The following BNC2 variants were observed in gnomAD, a reference collection of about 807,000 sequenced individuals.
BNC2 encodes the protein zinc finger protein basonuclin-2.
A neutral mutation model predicts 76.3 loss-of-function variants in BNC2; 20 were observed. The ratio of observed to expected loss-of-function variants is 0.26; its 90% CI spans 0.18 to 0.38. The LOEUF is 0.38. Among genes scored for constraint, BNC2 ranks in the 10% least tolerant of loss-of-function variants. BNC2 has a pLI of 1.00. For missense variants in BNC2, 1,382 were observed against 1,399.8 expected, an observed-to-expected ratio of 0.99 and a Z score of 0.20; for synonymous variants, 582 against 514.8, an observed-to-expected ratio of 1.13 and a Z score of -1.77.
At chr9:16,446,009 C>T (rs891973374) in intron 5 of BNC2, among the ~76,000 whole-genome samples, 1 of 152,066 alleles carries the variant, frequency 6.6e-6, no homozygotes, top group African/African-American at 2.4e-5. Context: ...AAAGAAGTTC[C>T]CATCAAGATA....
In BNC2 at chr9:16,435,850, T is replaced by C. The variant is rs3739714; in HGVS notation, c.2344A>G (p.Thr782Ala). ...TGGCTCATGTAAAACATGTCGTAAG[T>C]GGGGTCTGTAAATTCTTCCTTCACC... ...IKVKEEFTDPTYDMFYMSQYG... is the reference protein window; with the variant it reads ...IKVKEEFTDPAYDMFYMSQYG... The change falls in exon 6 of 7, where the codon ACT (threonine) becomes GCT (alanine). Residue 782 changes from threonine (T) to alanine (A), a missense_variant. Thr to Ala is a moderately conservative substitution (Grantham distance 58). Around this residue, in one of 3 missense-constraint regions of BNC2, gnomAD observed 798 missense variants for 775.5 expected, o/e 1.03. Transcript: ENST00000380672. 5.4e-3 allele frequency: 8,755 copies of C among 1,613,798 alleles called. 392 individuals carry two copies. In the East Asian group the frequency reaches 0.085, roughly 16 times the overall value.
At chr9:16,846,844 T>C (rs1166199692) in intron 1 of BNC2, among the ~76,000 whole-genome samples, 2 of 152,162 alleles carry the variant, frequency 1.3e-5, no homozygotes, top group African/African-American at 2.4e-5. Context: ...TCCTATAAAA[T>C]TTTGCTATCA....
intron 1 of BNC2, among the ~76,000 whole-genome samples, chr9:16,748,520 T>C (rs1420121620): frequency 6.8e-6 from 1 of 146,868 alleles, no homozygotes; most frequent in Non-Finnish European, 1.5e-5. Flanking sequence ...TCTTAAACAT[T>C]TAAAAAGAAG....
rs965649036 is a variant in BNC2, at chr9:16,645,015, C to T, written c.331-61930G>A. Among the ~76,000 whole-genome samples, 13 of 152,304 alleles carry T rather than the reference C, an allele frequency of 8.5e-5. No homozygotes were observed. The East Asian group carries it at 9.7e-4, about 11-fold the overall frequency. On this transcript the variant is annotated intron_variant, in intron 3 of 6. Transcript: ENST00000380672. The stretch of plus-strand genomic sequence containing the variant: ...TTGTAAATCTAAGCCATAATGAAGA[C>T]GCTACATTTACATACTTTAAAGAAA...
In BNC2 at chr9:16,412,720, GGAGAGAGAGAGAGA is replaced by G. The variant is rs58174243; in HGVS notation, c.*6255_*6268del. ...AATAAGAGGGAAGGAGAGAGAGAGG[GGAGAGAGAGAGAGA>G]GAGAGAGAGAGAGAGAGAGAGAGAG... On this transcript the variant is annotated 3_prime_UTR_variant, in exon 7 of 7. Coordinates refer to ENST00000380672, the MANE Select transcript of BNC2 (RefSeq NM_017637.6). 3.1e-3 allele frequency: 374 copies of G among 119,916 alleles called. No homozygotes were observed. The highest frequency in any genetic ancestry group is 6.2e-3 in the East Asian group (26 of 4,168). The allele number at this position is 119,916 out of a possible 1,614,324, so 7.4% of individuals were successfully genotyped here. A position where few individuals can be genotyped will look rare whatever the true frequency, so the allele number is the denominator to read the frequency against.
chr9:16,599,954 T>G (rs906139695), intron 3 of BNC2, among the ~76,000 whole-genome samples: 1 of 152,118 alleles, frequency 6.6e-6, no homozygotes, highest in African/African-American at 2.4e-5. Context: ...CAAACCAGCT[T>G]TGCTGGTCTA....
chr9:16,454,383 G>T (rs563339625), intron 5 of BNC2, among the ~76,000 whole-genome samples: 1 of 152,150 alleles, frequency 6.6e-6, no homozygotes, highest in African/African-American at 2.4e-5. Context: ...GCTCACTTCA[G>T]CCTGACTCCT....
At chr9:16,808,655 A>G (rs972903378) in intron 1 of BNC2, among the ~76,000 whole-genome samples, 6 of 150,226 alleles carry the variant, frequency 4.0e-5, no homozygotes, top group African/African-American at 1.2e-4. Flanking sequence ...CAACTGACCA[A>G]TGTTTTTTTG....
At chr9:16,849,233 C>A (rs939209244) in intron 1 of BNC2, among the ~76,000 whole-genome samples, 1 of 151,794 alleles carries the variant, frequency 6.6e-6, no homozygotes, top group Admixed American at 6.6e-5. Flanking sequence ...ATTCCCCCCA[C>A]CAAAAAAATC....
chr9:16,713,733 G>T (rs1823916958), intron 3 of BNC2, among the ~76,000 whole-genome samples: 1 of 151,954 alleles, frequency 6.6e-6, no homozygotes, highest in Admixed American at 6.6e-5. Flanking sequence ...ACCATAAGAA[G>T]CTGCATTAAG....
chr9:16,838,329 CG>C (rs1446497445), intron 1 of BNC2, among the ~76,000 whole-genome samples: 1 of 152,082 alleles, frequency 6.6e-6, no homozygotes, highest in Non-Finnish European at 1.5e-5. Flanking sequence ...CCAAGGCGGG[CG>C]GATCACCTGA....
At chr9:16,514,782 G>GA (rs1822839860) in intron 5 of BNC2, among the ~76,000 whole-genome samples, 7 of 152,054 alleles carry the variant, frequency 4.6e-5, no homozygotes, top group Admixed American at 4.6e-4. Flanking sequence ...TGACAGAATT[G>GA]AAAAACAAAC....
rs1436800256 is a variant in BNC2, at chr9:16,634,078, T to C, written c.331-50993A>G. 5.9e-5 allele frequency among the ~76,000 whole-genome samples: 9 copies of C among 152,198 alleles called. No individual in the cohort carries two copies. The East Asian group carries it at 1.7e-3, about 29-fold the overall frequency. On this transcript the variant is annotated intron_variant, in intron 3 of 6. Transcript: ENST00000380672. ...ACAAGTGATTCCTAACTAGTACTTC[T>C]CTAAACAAACTGTTCCACAAGACTC... is the stretch of plus-strand genomic sequence containing the variant.
At position 16,678,278 on chromosome 9, in the gene BNC2, T is replaced by C. The variant is rs1482382477; in HGVS notation, c.330+49519A>G. Among the ~76,000 whole-genome samples the C allele has an allele frequency of 1.8e-3, 229 of 125,582 alleles. 2 individuals are homozygous for C. Among genetic ancestry groups the C allele is most frequent in the African/African-American group, 6.9e-3 (222 of 32,110 alleles). 82.4% of individuals were successfully genotyped at this position (125,582 alleles called of 152,430 possible). On this transcript the variant is annotated intron_variant, in intron 3 of 6. Transcript: ENST00000380672. ...TTTTCTTTCTTTTTCTTTTTTTTTT[T>C]TTTTTTTTTTTTTTTTTTGAGACAG...
rs1196145032 is a variant in BNC2, at chr9:16,459,431, T to G, written c.670-21907A>C. Among the ~76,000 whole-genome samples the G allele has an allele frequency of 3.9e-5, 6 of 152,132 alleles. No individual in the cohort carries two copies. The East Asian group carries it at 9.6e-4, about 24-fold the overall frequency. On this transcript the variant is annotated intron_variant, in intron 5 of 6. Transcript: ENST00000380672. ...TAGGGTAAAGCTCTCTGCAAAGGAT[T>G]TTACTGAGGGTGGTGGGTGGGATTC...
At chr9:16,868,352 T>A (rs1226850435) in intron 1 of BNC2, among the ~76,000 whole-genome samples, 1 of 152,230 alleles carries the variant, frequency 6.6e-6, no homozygotes, top group Non-Finnish European at 1.5e-5. Flanking sequence ...CATTTTAATA[T>A]AGCAATAGTC....
chr9:16,687,374 G>T (rs771208185), intron 3 of BNC2, among the ~76,000 whole-genome samples: 1 of 152,062 alleles, frequency 6.6e-6, no homozygotes, highest in Non-Finnish European at 1.5e-5. Flanking sequence ...TAACAAAAAA[G>T]GGAATTTATC....
chr9:16,756,229 C>A (rs1164780194), intron 1 of BNC2, among the ~76,000 whole-genome samples: 1 of 152,146 alleles, frequency 6.6e-6, no homozygotes, highest in African/African-American at 2.4e-5. Flanking sequence ...TATGCCTACT[C>A]AATAATAAAT....
intron 3 of BNC2, chr9:16,727,111 G>C (rs971026118): frequency 6.5e-6 from 1 of 152,822 alleles, no homozygotes; most frequent in Non-Finnish European, 1.5e-5. Context: ...GCCCGAGTGA[G>C]TGCGCCGGCG....
Sources: gnomAD v4.1 joint callset for allele counts (sites outside exome capture counted in the v4.1 genomes callset) on GRCh38, gnomAD v4.1.1 for gene constraint, gnomAD v4.1.1 regional missense constraint, MANE v1.5 for transcripts, NCBI Gene and HGNC (gene_info 2026-07-23, HGNC 2026-07-21) for gene names.